CBL: variants seen among roughly 807,000 people sequenced by gnomAD.
CBL encodes Cbl proto-oncogene.
CBL carries 45 observed loss-of-function variants against 96.9 expected under a neutral mutation model. That is an observed-to-expected ratio of 0.46 (90% CI 0.37 to 0.60). The LOEUF is 0.60. CBL is among the 20% of genes least tolerant of loss of function. The pLI is 0.00. For missense variants in CBL, 1,024 were observed against 1,143.5 expected, an observed-to-expected ratio of 0.90 and a Z score of 1.51; for synonymous variants, 420 against 426.8, an observed-to-expected ratio of 0.98 and a Z score of 0.20.
chr11:119,214,762 T>A (rs996004985), intron 1 of CBL, among the ~76,000 whole-genome samples: 14 of 152,140 alleles, frequency 9.2e-5, no homozygotes, highest in Admixed American at 6.6e-4. Context: ...TAGTTTAGAT[T>A]GTAGTTCACC....
At chr11:119,218,417 C>T (rs947221455) in intron 1 of CBL, among the ~76,000 whole-genome samples, 3 of 152,204 alleles carry the variant, frequency 2.0e-5, no homozygotes, top group Non-Finnish European at 2.9e-5. Context: ...AAAAGTGATA[C>T]TAAAACATTT....
At chr11:119,251,983 C>G (rs1405119055) in intron 2 of CBL, among the ~76,000 whole-genome samples, 1 of 152,152 alleles carries the variant, frequency 6.6e-6, no homozygotes, top group African/African-American at 2.4e-5. Flanking sequence ...CAAATGCCTG[C>G]TAGAGATACC....
chr11:119,281,201 T>G (rs1949930779), intron 9 of CBL, among the ~76,000 whole-genome samples: 2 of 152,204 alleles, frequency 1.3e-5, no homozygotes, highest in African/African-American at 4.8e-5. Context: ...CTCGCCATCC[T>G]CATGGGACTT....
chr11:119,299,422 G>T lies in CBL; in HGVS notation c.2435-73G>T, dbSNP rs913983971. On this transcript the variant is annotated intron_variant, in intron 15 of 15. Transcript: ENST00000264033. ...GGAAGTCAGTAATATCTTGATATTAGCACATTTTTATTGCTGTTGTTAAAT... is the reference window on the plus strand; with the variant it reads ...GGAAGTCAGTAATATCTTGATATTATCACATTTTTATTGCTGTTGTTAAAT... 3 of 1,363,802 alleles carry T rather than the reference G, an allele frequency of 2.2e-6. No homozygotes were observed. In the East Asian group the frequency reaches 6.9e-5, roughly 31 times the overall value. 84.5% of individuals were successfully genotyped at this position (1,363,802 alleles called of 1,614,324 possible).
intron 2 of CBL, among the ~76,000 whole-genome samples, chr11:119,254,229 TA>T (rs1397217449): frequency 6.6e-6 from 1 of 152,162 alleles, no homozygotes; most frequent in Admixed American, 6.5e-5. Context: ...TAAAAATGCT[TA>T]AAATAGTAAA....
At chr11:119,221,139 G>A (rs1222709986) in intron 1 of CBL, among the ~76,000 whole-genome samples, 1 of 151,884 alleles carries the variant, frequency 6.6e-6, no homozygotes. Context: ...TGCTACTTGG[G>A]AGACTGAGGC....
intron 2 of CBL, among the ~76,000 whole-genome samples, chr11:119,239,019 G>C (rs1285833185): frequency 6.6e-6 from 1 of 152,028 alleles, no homozygotes; most frequent in Non-Finnish European, 1.5e-5. Flanking sequence ...GCCCAGGCTG[G>C]AGTACAGTGA....
chr11:119,273,860 C>A lies in CBL; in HGVS notation c.591-8C>A, dbSNP rs749291716. On this transcript the variant is annotated splice_polypyrimidine_tract_variant and splice_region_variant and intron_variant, in intron 3 of 15. Transcript: ENST00000264033. ...TCACTTTATGCCTCCTCTCCACCCC[C>A]TCCCCAGGACAATAGTCCCTTGGAA... 1 of 1,613,194 alleles carries A rather than the reference C, an allele frequency of 6.2e-7. No homozygotes were observed. Among genetic ancestry groups the A allele is most frequent in the Non-Finnish European group, 8.5e-7 (1 of 1,179,138 alleles).
At chr11:119,235,742 C>T (rs973739582) in intron 2 of CBL, among the ~76,000 whole-genome samples, 2 of 152,242 alleles carry the variant, frequency 1.3e-5, no homozygotes, top group East Asian at 1.9e-4. Flanking sequence ...TCTAATTTGC[C>T]GTTACCAAAT....
chr11:119,286,741 G>T (rs1037490181), intron 11 of CBL, among the ~76,000 whole-genome samples: 1 of 152,124 alleles, frequency 6.6e-6, no homozygotes, highest in South Asian at 2.1e-4. Context: ...GTCTAAATAT[G>T]CAAGAAAGGG....
intron 1 of CBL, among the ~76,000 whole-genome samples, chr11:119,214,689 A>G (rs1489515197): frequency 5.3e-5 from 8 of 152,166 alleles, no homozygotes; most frequent in Non-Finnish European, 5.9e-5. Context: ...AGGCTTTTGT[A>G]TACTTTTCCA....
chr11:119,223,923 C>T (rs1167372317), intron 1 of CBL, among the ~76,000 whole-genome samples: 1 of 152,042 alleles, frequency 6.6e-6, no homozygotes, highest in Non-Finnish European at 1.5e-5. Flanking sequence ...ATGCCCCTGG[C>T]AATTTTTTTT....
intron 1 of CBL, among the ~76,000 whole-genome samples, chr11:119,214,345 G>C (rs1949341308): frequency 6.6e-6 from 1 of 151,850 alleles, no homozygotes; most frequent in African/African-American, 2.4e-5. Context: ...TGCCTCCTGG[G>C]TTCAAGCAAT....
In CBL at chr11:119,302,434, C is replaced by T. The variant is rs1254417527; in HGVS notation, c.*2653C>T. 1.3e-5 allele frequency: 3 copies of T among 232,808 alleles called. No homozygotes were observed. The highest frequency in any genetic ancestry group is 5.6e-5 in the Admixed American group (1 of 17,758). The allele number at this position is 232,808 out of a possible 1,614,324, so 14.4% of individuals were successfully genotyped here. ...TGTATGGCAATTTAAAAGTCTTTGG[C>T]TTTGCTCTGAATTTAATTAAAACTG... On this transcript the variant is annotated 3_prime_UTR_variant, in exon 16 of 16. Transcript: ENST00000264033.
Position 119,305,329 on chromosome 11 carries a change from C to T in CBL, c.*5548C>T, listed in dbSNP as rs1336580470. The T allele has an allele frequency of 4.3e-6, 1 of 232,090 alleles. No homozygotes were observed. Among genetic ancestry groups the T allele is most frequent in the Non-Finnish European group, 8.5e-6 (1 of 117,400 alleles). The allele number at this position is 232,090 out of a possible 1,614,324, so 14.4% of individuals were successfully genotyped here. A position where few individuals can be genotyped will look rare whatever the true frequency, so the allele number is the denominator to read the frequency against. ...AGCTAGCCTGTTCCTGGGTAGCCTT[C>T]CTTAGCCTCCATTCAGCCTCAGGTC... On this transcript the variant is annotated 3_prime_UTR_variant, in exon 16 of 16. Transcript: ENST00000264033.
At chr11:119,253,764 G>A (rs924857979) in intron 2 of CBL, among the ~76,000 whole-genome samples, 6 of 150,842 alleles carry the variant, frequency 4.0e-5, no homozygotes, top group Non-Finnish European at 7.4e-5. Flanking sequence ...TTGAGTGTGG[G>A]AGGTTTAGGC....
At chr11:119,297,152 T>TA in intron 13 of CBL, 118 bp downstream of exon 13, 1 of 784,674 alleles carries the variant, frequency 1.3e-6, no homozygotes, top group Non-Finnish European at 2.3e-6. Context: ...AGCAGAAAGA[T>TA]AAAGATAAAT....
chr11:119,271,460 T>G (rs1156234118), intron 2 of CBL, among the ~76,000 whole-genome samples: 1 of 152,256 alleles, frequency 6.6e-6, no homozygotes, highest in African/African-American at 2.4e-5. Context: ...TGTGTTTGTA[T>G]CTTTCATATG....
chr11:119,252,043 T>G (rs149312507), intron 2 of CBL, among the ~76,000 whole-genome samples: 1 of 152,210 alleles, frequency 6.6e-6, no homozygotes, highest in Admixed American at 6.5e-5. Flanking sequence ...CCTGGCAGCT[T>G]AGTTTTTTTT....
Sources: gnomAD v4.1 joint callset for allele counts (sites outside exome capture counted in the v4.1 genomes callset) on GRCh38, gnomAD v4.1.1 for gene constraint, MANE v1.5 for transcripts, NCBI Gene and HGNC (gene_info 2026-07-23, HGNC 2026-07-21) for gene names.